Variants in KCNMB3 observed in about 807,000 individuals in gnomAD.
KCNMB3 encodes calcium-activated potassium channel subunit beta-3.
A neutral mutation model predicts 11.9 loss-of-function variants in KCNMB3; 18 were observed. The observed-to-expected ratio is 1.51, with a 90% confidence interval of 1.04 to 2.23. KCNMB3 has a LOEUF of 2.23. Ranked by LOEUF, KCNMB3 falls within the 30% of genes most tolerant of loss-of-function variation. The pLI is 0.00. For missense variants in KCNMB3, 247 were observed against 329.4 expected (o/e 0.75, Z 1.94); for synonymous variants, 78 against 119.2 (o/e 0.65, Z 2.25).
intron 1 of KCNMB3, chr3:179,260,097 G>T: frequency 6.2e-7 from 1 of 1,607,124 alleles, no homozygotes; most frequent in South Asian, 1.1e-5. Context: ...ATGATAAACT[G>T]TGTCATCACT....
intron 1 of KCNMB3, chr3:179,259,900 T>G: frequency 6.2e-7 from 1 of 1,613,704 alleles, no homozygotes; most frequent in East Asian, 2.2e-5. Context: ...ACTTCTGTCT[T>G]GATTGGTTTC....
At chr3:179,251,388 A>G, upstream of KCNMB3, 3 of 1,428,798 alleles carry the variant, frequency 2.1e-6, no homozygotes, top group Non-Finnish European at 2.7e-6. Flanking sequence ...TTATTCTTTC[A>G]TATTCACCTG....
chr3:179,240,085 G>T, downstream of KCNMB3: 2 of 1,424,002 alleles, frequency 1.4e-6, no homozygotes, highest in Non-Finnish European at 1.9e-6. Context: ...AAAAAAAAAA[G>T]AAAAATTACT....
upstream of KCNMB3, chr3:179,251,226 T>A: frequency 6.5e-7 from 1 of 1,543,668 alleles, no homozygotes; most frequent in South Asian, 1.2e-5. Flanking sequence ...GAGAATGTTG[T>A]ATGTAAATAA....
intron 1 of KCNMB3, among the ~76,000 whole-genome samples, chr3:179,245,586 G>A (rs982088061): frequency 5.8e-4 from 88 of 151,968 alleles, no homozygotes; most frequent in African/African-American, 1.8e-3. Flanking sequence ...TGCAACCTCC[G>A]CCTTCTGGTT....
At position 179,257,899 on chromosome 3, in the gene KCNMB3, T is replaced by TG. The variant is rs779942419; in HGVS notation, c.63-6966_63-6965insC. Among the ~76,000 whole-genome samples the TG allele has an allele frequency of 2.5e-3, 329 of 131,306 alleles. 1 individual carries two copies. Among genetic ancestry groups the TG allele is most frequent in the African/African-American group, 8.3e-3 (317 of 37,974 alleles). The allele number at this position is 131,306 out of a possible 152,430, so 86.1% of individuals were successfully genotyped here. Reference sequence around the variant, plus strand: ...GTGTGTGTGTGTGTGTGTGTGTGTGTTTTTTAGACAGAGTTTCGCTCGTTG... The same window carrying TG: ...GTGTGTGTGTGTGTGTGTGTGTGTGTGTTTTTAGACAGAGTTTCGCTCGTTG... On this transcript the variant is annotated intron_variant, in intron 1 of 3. Transcript: ENST00000349697.
chr3:179,250,609 A>C, intron 1 of KCNMB3, 134 bp downstream of exon 1: 3 of 904,026 alleles, frequency 3.3e-6, no homozygotes, highest in South Asian at 1.6e-5. Flanking sequence ...CGGAAGAGGA[A>C]TTGTATTTTT....
chr3:179,241,616 A>G (rs965136600), downstream of KCNMB3: 2 of 152,354 alleles, frequency 1.3e-5, no homozygotes, highest in African/African-American at 4.8e-5. Context: ...AGATACTTTG[A>G]GGCACTTTGG....
rs569770229 is a variant in KCNMB3, at chr3:179,245,683, T to TA, written c.249-991dup. 2.4e-3 allele frequency among the ~76,000 whole-genome samples: 365 copies of TA among 152,204 alleles called. 2 individuals carry two copies. Among genetic ancestry groups the TA allele is most frequent in the African/African-American group, 8.3e-3 (346 of 41,534 alleles). ...CCCAGCTAATTTTTTGTATTTTTAG[T>TA]AGAGATGGGGTTTCACCGCATTGGC... On this transcript the variant is annotated intron_variant, in intron 1 of 2. Coordinates refer to ENST00000392685, the MANE Select transcript of KCNMB3 (RefSeq NM_171830.2).
chr3:179,264,826 A>G (rs972507628), intron 1 of KCNMB3, among the ~76,000 whole-genome samples: 1 of 152,230 alleles, frequency 6.6e-6, no homozygotes, highest in Admixed American at 6.5e-5. Context: ...AGTACACTAT[A>G]TTAATATTTC....
chr3:179,259,286 G>A (rs10936996), intron 1 of KCNMB3: 110,501 of 1,547,878 alleles, frequency 0.071, 4,956 homozygotes, highest in African/African-American at 0.2. Flanking sequence ...CTGCATCTTC[G>A]CTCTCTGGTT....
At chr3:179,251,116 A>C (rs1725829471), upstream of KCNMB3, 1 of 1,614,200 alleles carries the variant, frequency 6.2e-7, no homozygotes, top group Non-Finnish European at 8.5e-7. Context: ...AAATAAGCTA[A>C]AGTGATGTGT....
upstream of KCNMB3, among the ~76,000 whole-genome samples, chr3:179,252,555 C>G (rs758408927): frequency 1.3e-5 from 2 of 152,100 alleles, no homozygotes; most frequent in African/African-American, 2.4e-5. Context: ...GTTCCAAGAG[C>G]CTGTGCCAGG....
chr3:179,255,231 C>G (rs1725974351), upstream of KCNMB3, among the ~76,000 whole-genome samples: 1 of 151,064 alleles, frequency 6.6e-6, no homozygotes, highest in Admixed American at 6.6e-5. Flanking sequence ...CACAGGAAAT[C>G]AAGGCGTTTG....
chr3:179,260,514 G>C lies in KCNMB3; in HGVS notation c.62+6135C>G, dbSNP rs538778947. The C allele has an allele frequency of 1.6e-5, 26 of 1,603,126 alleles. No individual in the cohort carries two copies. The South Asian group carries it at 2.6e-4, about 16-fold the overall frequency. ...CAAGATTTCTCTTTTCCCCACATTC[G>C]CCACGATTTCATTCTTCACCTCCAC... On this transcript the variant is annotated intron_variant, in intron 1 of 3. Coordinates refer to the KCNMB3 transcript ENST00000349697.
chr3:179,261,080 G>C, intron 1 of KCNMB3: 2 of 1,113,990 alleles, frequency 1.8e-6, no homozygotes, highest in Non-Finnish European at 2.7e-6. Context: ...CATGTTACGA[G>C]ACCCCTTCTC....
At chr3:179,266,884 G>A (rs1228933480) in exon 1 of KCNMB3, 1 of 1,427,332 alleles carries the variant, frequency 7.0e-7, no homozygotes, top group Non-Finnish European at 9.1e-7. Context: ...GAGAACTTCA[G>A]GCAGGCTAGC....
chr3:179,256,288 T>G (rs1576961495), upstream of KCNMB3, among the ~76,000 whole-genome samples: 1 of 151,806 alleles, frequency 6.6e-6, no homozygotes, highest in Non-Finnish European at 1.5e-5. Context: ...ATACAAAAAT[T>G]AGCTGGACGT....
intron 1 of KCNMB3, among the ~76,000 whole-genome samples, chr3:179,257,781 T>G (rs375367378): frequency 5.3e-5 from 8 of 152,214 alleles, no homozygotes; most frequent in African/African-American, 1.4e-4. Flanking sequence ...GGTGCAATCA[T>G]AGCTCACTGC....
Sources: allele counts gnomAD v4.1 joint callset (sites outside exome capture counted in the v4.1 genomes callset), GRCh38; gene constraint gnomAD v4.1.1; transcripts MANE v1.5; gene names NCBI Gene and HGNC (gene_info 2026-07-23, HGNC 2026-07-21).